The following ACSS2 variants were observed in gnomAD, a reference collection of about 807,000 sequenced individuals.
The protein encoded by ACSS2 is acetyl-coenzyme A synthetase, cytoplasmic.
Under a neutral mutation model 90.6 loss-of-function variants are expected in ACSS2, and 58 were observed. That is an observed-to-expected ratio of 0.64 (90% confidence interval 0.52 to 0.80). ACSS2 has a LOEUF of 0.80. Among genes scored for constraint, ACSS2 ranks in the 30% least tolerant of loss-of-function variants. The pLI is 0.00. For synonymous variants in ACSS2, 300 were observed against 330.9 expected (o/e 0.91, Z 1.01); for missense variants, 759 against 912.0 (o/e 0.83, Z 2.16).
chr20:34,908,840 A>G, intron 2 of ACSS2: 1 of 407,372 alleles, frequency 2.5e-6, no homozygotes, highest in South Asian at 1.8e-5. Flanking sequence ...CAGCCTGGGC[A>G]ACAGGAGCAA....
intron 2 of ACSS2, among the ~76,000 whole-genome samples, chr20:34,904,285 A>G (rs967421756): frequency 6.6e-6 from 1 of 151,922 alleles, no homozygotes; most frequent in Non-Finnish European, 1.5e-5. Flanking sequence ...TGAGAAGCCA[A>G]CATTTGAGCA....
intron 14 of ACSS2, among the ~76,000 whole-genome samples, chr20:34,923,681 T>C (rs1002334672): frequency 3.3e-5 from 5 of 152,210 alleles, no homozygotes; most frequent in Admixed American, 6.5e-5. Flanking sequence ...GTGTTTGACA[T>C]GGCAAGAGAG....
chr20:34,877,829 A>T (rs2024633), intron 1 of ACSS2, among the ~76,000 whole-genome samples: 131 of 62,170 alleles, frequency 2.1e-3, no homozygotes, highest in South Asian at 5.3e-3. Flanking sequence ...AAAAAAAAAA[A>T]AAAAAAAAAA....
Position 34,914,427 on chromosome 20 carries a change from C to T in ACSS2, c.824C>T (p.Pro275Leu), listed in dbSNP as rs761807252. The T allele has an allele frequency of 1.9e-6, 3 of 1,612,636 alleles. No homozygotes were observed. The highest frequency in any genetic ancestry group is 2.5e-6 in the Non-Finnish European group (3 of 1,179,324). The change falls in exon 7 of 18, where the codon CCA becomes CTA. Residue 275 changes from proline (P) to leucine (L), a missense_variant. Transcript: ENST00000360596. ...TCCCCCCCAATTAAGAGGTCATGCC[C>T]AGATGTGCAGGTGAGTCTGGCACTG... Reference protein sequence around the residue: ...SQSPPIKRSCPDVQISWNQGI... With the variant: ...SQSPPIKRSCLDVQISWNQGI...
At chr20:34,922,576 C>T (rs918008181) in intron 13 of ACSS2, among the ~76,000 whole-genome samples, 2 of 152,182 alleles carry the variant, frequency 1.3e-5, no homozygotes, top group African/African-American at 4.8e-5. Flanking sequence ...TGCACTTCAT[C>T]CTGGGCAACA....
Position 34,921,152 on chromosome 20 carries a change from CCCAGTT to C in ACSS2, c.1277+14_1277+19del. The stretch of plus-strand genomic sequence containing the variant: ...AGCCTGTCACCAAGTGAGACCTCTT[CCCAGTT>C]GCTGCCCTGTGGGTATCCCTCAGAG... On this transcript the variant is annotated intron_variant, in intron 10 of 17. Coordinates refer to ENST00000360596, the MANE Select transcript of ACSS2 (RefSeq NM_018677.4). 1 of 1,614,174 alleles carries C rather than the reference CCCAGTT, an allele frequency of 6.2e-7. No homozygotes were observed. Among genetic ancestry groups the C allele is most frequent in the Non-Finnish European group, 8.5e-7 (1 of 1,180,036 alleles).
chr20:34,893,829 C>G (rs1418854440), intron 2 of ACSS2, among the ~76,000 whole-genome samples: 1 of 152,052 alleles, frequency 6.6e-6, no homozygotes, highest in South Asian at 2.1e-4. Context: ...GTCTGGTCTA[C>G]TTATGGTTTT....
chr20:34,883,993 A>G (rs1054240292), intron 2 of ACSS2, among the ~76,000 whole-genome samples: 4 of 151,902 alleles, frequency 2.6e-5, no homozygotes, highest in Non-Finnish European at 5.9e-5. Context: ...CAGCCTGGAG[A>G]GCAGCGGCAT....
chr20:34,924,693 T>C (rs1366518260), intron 14 of ACSS2, among the ~76,000 whole-genome samples: 1 of 112,384 alleles, frequency 8.9e-6, no homozygotes, highest in Non-Finnish European at 2.0e-5. Flanking sequence ...TTGTTGTTGT[T>C]GTTGTTGTTG....
intron 2 of ACSS2, among the ~76,000 whole-genome samples, chr20:34,909,556 A>C (rs567058194): frequency 1.0e-3 from 154 of 152,240 alleles, no homozygotes; most frequent in African/African-American, 3.5e-3. Flanking sequence ...GTATGCCATC[A>C]TTTGTGTAGA....
chr20:34,910,115 G>A (rs954267574), intron 2 of ACSS2, among the ~76,000 whole-genome samples: 3 of 151,122 alleles, frequency 2.0e-5, no homozygotes, highest in African/African-American at 7.3e-5. Context: ...TCCATTTCCC[G>A]GATTCAAGCG....
intron 7 of ACSS2, 52 bp downstream of exon 7, chr20:34,914,489 C>A: frequency 6.7e-7 from 1 of 1,493,760 alleles, no homozygotes. Context: ...CTTCACTTTT[C>A]CTGCCTAGAA....
chr20:34,895,234 C>CAT lies in ACSS2; in HGVS notation c.374+12256_374+12257dup, dbSNP rs143022758. Among the ~76,000 whole-genome samples the CAT allele has an allele frequency of 5.1e-3, 773 of 151,638 alleles. 3 individuals carry two copies. Among genetic ancestry groups the CAT allele is most frequent in the Non-Finnish European group, 6.9e-3 (468 of 67,860 alleles). ...AAACATTTTACATATTATATACACA[C>CAT]ATATATATATATGCACATATAGGTT... On this transcript the variant is annotated intron_variant, in intron 2 of 17. Transcript: ENST00000360596.
At chr20:34,877,629 C>T (rs186491759) in intron 1 of ACSS2, among the ~76,000 whole-genome samples, 2,161 of 151,710 alleles carry the variant, frequency 0.014, 46 homozygotes, top group African/African-American at 0.05. Flanking sequence ...ACCAGCCTGG[C>T]CAACATGGTG....
chr20:34,896,925 G>A (rs775512836), intron 2 of ACSS2, among the ~76,000 whole-genome samples: 5 of 152,106 alleles, frequency 3.3e-5, no homozygotes, highest in Non-Finnish European at 5.9e-5. Flanking sequence ...AGCTACTCGG[G>A]AGGCTGAGAC....
chr20:34,879,732 A>G (rs1225878576), intron 1 of ACSS2, among the ~76,000 whole-genome samples: 6 of 152,200 alleles, frequency 3.9e-5, no homozygotes. Context: ...ACCCTGTCTC[A>G]AAACAAAAAC....
intron 2 of ACSS2, among the ~76,000 whole-genome samples, chr20:34,895,918 A>G (rs964721713): frequency 3.9e-5 from 6 of 152,198 alleles, no homozygotes; most frequent in African/African-American, 1.4e-4. Context: ...TGTAATGAAT[A>G]TTTTTGCATG....
intron 14 of ACSS2, 55 bp from the exon 15 acceptor site, chr20:34,925,643 G>T: frequency 1.3e-6 from 2 of 1,554,340 alleles, no homozygotes; most frequent in South Asian, 2.4e-5. Flanking sequence ...TGGTAATGTG[G>T]ATCAGGTATC....
In ACSS2 at chr20:34,926,903, A is replaced by ACACCG; in HGVS notation, c.1934_1935insGCACC (p.Asp646HisfsTer20). ...TAGAGAAAAGATTGGCCCCATTGCCACACCAGACTACATCCAGAATGCACC... is the reference window on the plus strand; with the variant it reads ...TAGAGAAAAGATTGGCCCCATTGCCACACCGCACCAGACTACATCCAGAATGCACC... On this transcript the variant is annotated frameshift_variant, in exon 17 of 18. Transcript: ENST00000360596. LOFTEE classifies it high-confidence loss of function. 6.2e-7 allele frequency: 1 copy of ACACCG among 1,614,168 alleles called. No individual in the cohort carries two copies. Among genetic ancestry groups the ACACCG allele is most frequent in the Non-Finnish European group, 8.5e-7 (1 of 1,180,032 alleles).
Sources: allele counts gnomAD v4.1 joint callset (sites outside exome capture counted in the v4.1 genomes callset), GRCh38; gene constraint gnomAD v4.1.1; transcripts MANE v1.5; gene names NCBI Gene and HGNC (gene_info 2026-07-23, HGNC 2026-07-21).